LOC400499: variants seen among roughly 807,000 people sequenced by gnomAD.
At chr16:11,473,692 T>G in the LOC400499 span, among the ~76,000 whole-genome samples, 3 of 151,024 alleles carry the variant, frequency 2.0e-5, no homozygotes, top group Non-Finnish European at 4.4e-5. Flanking sequence ...GAGACAGAGG[T>G]TGCAGTGAGC....
At chr16:11,515,883 CCAGCCCAGCCTAGCCCAGCCCAGCCCAG>C in the LOC400499 span, 2 of 38,538 alleles carry the variant, frequency 5.2e-5, no homozygotes, top group Non-Finnish European at 6.3e-5. Context: ...CCAGCCCAGC[CCAGCCCAGCCTAGCCCAGCCCAGCCCAG>C]CCTAGCCCAG....
the LOC400499 span, chr16:11,508,666 G>A: frequency 5.0e-6 from 2 of 398,858 alleles, no homozygotes; most frequent in Non-Finnish European, 8.8e-6. Context: ...GGTGTCCTAG[G>A]GACTCAGGGC....
At chr16:11,521,465 C>A in the LOC400499 span, among the ~76,000 whole-genome samples, 2 of 152,130 alleles carry the variant, frequency 1.3e-5, no homozygotes, top group African/African-American at 2.4e-5. Context: ...GGACTAACAC[C>A]ACTGGACCTT....
At chr16:11,496,156 T>C in the LOC400499 span, among the ~76,000 whole-genome samples, 2 of 151,372 alleles carry the variant, frequency 1.3e-5, no homozygotes, top group African/African-American at 4.9e-5. Flanking sequence ...AACCTCTGCC[T>C]CCTGAGATCA....
At chr16:11,435,902 C>G in the LOC400499 span, 1 of 399,256 alleles carries the variant, frequency 2.5e-6, no homozygotes, top group Non-Finnish European at 4.4e-6. Flanking sequence ...AGGGGAGGGA[C>G]AGGAAGGGTC....
At chr16:11,449,904 G>C in the LOC400499 span, among the ~76,000 whole-genome samples, 1 of 152,168 alleles carries the variant, frequency 6.6e-6, no homozygotes, top group Admixed American at 6.5e-5. Flanking sequence ...CCACCACCCC[G>C]GGCCAGGCCG....
At chr16:11,518,864 G>A in the LOC400499 span, 12 of 399,024 alleles carry the variant, frequency 3.0e-5, no homozygotes, top group Admixed American at 2.6e-4. Context: ...CAGCCCCATC[G>A]TGAGCAGGTC....
chr16:11,499,441 G>A, the LOC400499 span, among the ~76,000 whole-genome samples: 1 of 152,018 alleles, frequency 6.6e-6, no homozygotes, highest in Non-Finnish European at 1.5e-5. Context: ...CTGGTGGCCA[G>A]CGTGCCACCT....
At chr16:11,433,040 C>T in the LOC400499 span, among the ~76,000 whole-genome samples, 44 of 152,244 alleles carry the variant, frequency 2.9e-4, no homozygotes, top group Non-Finnish European at 5.9e-4. Context: ...GCTGGCCCAC[C>T]ACTTGTTTTT....
chr16:11,444,837 T>C, the LOC400499 span, among the ~76,000 whole-genome samples: 6 of 151,970 alleles, frequency 3.9e-5, no homozygotes, highest in Non-Finnish European at 8.8e-5. Flanking sequence ...ATGTCAGCAT[T>C]CTGGAGGCCA....
chr16:11,419,554 G>T, the LOC400499 span, among the ~76,000 whole-genome samples: 1 of 152,204 alleles, frequency 6.6e-6, no homozygotes, highest in Non-Finnish European at 1.5e-5. Context: ...AGGACTTCAT[G>T]TCTAGAACAC....
the LOC400499 span, among the ~76,000 whole-genome samples, chr16:11,421,184 C>G: frequency 1.4e-4 from 22 of 152,236 alleles, no homozygotes; most frequent in African/African-American, 4.1e-4. Context: ...CAGGGGTGAG[C>G]TCTCTGTCAC....
chr16:11,421,312 T>G, the LOC400499 span, among the ~76,000 whole-genome samples: 1 of 152,180 alleles, frequency 6.6e-6, no homozygotes, highest in East Asian at 1.9e-4. Context: ...GACTAGGCAT[T>G]CCCAGGGTCT....
the LOC400499 span, among the ~76,000 whole-genome samples, chr16:11,421,183 G>C: frequency 1.3e-5 from 2 of 152,286 alleles, no homozygotes; most frequent in African/African-American, 4.8e-5. Flanking sequence ...CCAGGGGTGA[G>C]CTCTCTGTCA....
chr16:11,463,801 G>T, the LOC400499 span, among the ~76,000 whole-genome samples: 385 of 152,242 alleles, frequency 2.5e-3, 4 homozygotes, highest in African/African-American at 6.0e-3. Context: ...ATGGATGTTT[G>T]TGTGTATGAA....
chr16:11,509,506 T>C, the LOC400499 span, among the ~76,000 whole-genome samples: 2 of 151,846 alleles, frequency 1.3e-5, no homozygotes, highest in Admixed American at 1.3e-4. Flanking sequence ...CAAGGCAAGA[T>C]GCAGAACAAT....
the LOC400499 span, among the ~76,000 whole-genome samples, chr16:11,509,309 G>A: frequency 7.3e-5 from 11 of 150,568 alleles, 1 homozygote; most frequent in Admixed American, 2.6e-4. Context: ...TAGTAGAGAC[G>A]GGGTTTCACC....
At chr16:11,477,964 T>C in the LOC400499 span, 5 of 398,710 alleles carry the variant, frequency 1.3e-5, no homozygotes, top group Non-Finnish European at 1.8e-5. Flanking sequence ...CCAGTTCCTG[T>C]GCGGCCAGGC....
At chr16:11,461,172 C>A in the LOC400499 span, 22 of 1,480,104 alleles carry the variant, frequency 1.5e-5, no homozygotes, top group South Asian at 5.3e-5. Context: ...GGGACCAGCA[C>A]CCCCATCCCC....
Sources: gnomAD v4.1 joint callset for allele counts (sites outside exome capture counted in the v4.1 genomes callset) on GRCh38, gnomAD v4.1.1 for gene constraint, MANE v1.5 for transcripts.